The following GABPB1 variants were observed in gnomAD, a reference collection of about 807,000 sequenced individuals.
The protein encoded by GABPB1 is GA binding protein transcription factor subunit beta 1.
GABPB1 carries 15 observed loss-of-function variants against 45.9 expected under a neutral mutation model. The ratio of observed to expected loss-of-function variants is 0.33; its 90% confidence interval spans 0.22 to 0.50. The LOEUF (loss-of-function observed/expected upper bound fraction) is 0.50, where lower values mean the gene tolerates loss of function less well. Among genes scored for constraint, GABPB1 ranks in the 20% least tolerant of loss-of-function variants. The pLI is 0.98. For missense variants in GABPB1, 252 were observed against 457.5 expected (o/e 0.55, Z 4.10); for synonymous variants, 143 against 154.4 (o/e 0.93, Z 0.55).
chr15:50,330,387 C>T (rs1040799453), intron 1 of GABPB1, among the ~76,000 whole-genome samples: 7 of 152,172 alleles, frequency 4.6e-5, no homozygotes, highest in South Asian at 2.1e-4. Flanking sequence ...TAAAAAAAAA[C>T]TAGTTATCTC....
chr15:50,349,954 T>C (rs974307648), intron 1 of GABPB1: 3 of 152,196 alleles, frequency 2.0e-5, no homozygotes. Context: ...CCAGACATAA[T>C]ATATTTTTGG....
At chr15:50,353,938 C>A (rs2048966942) in intron 1 of GABPB1, 2 of 156,470 alleles carry the variant, frequency 1.3e-5, no homozygotes, top group South Asian at 3.1e-4. Context: ...CATTATCAAG[C>A]CCCCTTCAGA....
rs534212084 is a variant in GABPB1 at position 50,294,901 on chromosome 15, T to A, written c.698-5233A>T. ...TTTATTAGTAATTACCAGAAGTTGCTCTAAAGACAAAAAAGAAGGGTGGTC... is the reference window on the plus strand; with the variant it reads ...TTTATTAGTAATTACCAGAAGTTGCACTAAAGACAAAAAAGAAGGGTGGTC... On this transcript the variant is annotated intron_variant, in intron 6 of 8. Transcript: ENST00000380877. 2.0e-5 allele frequency among the ~76,000 whole-genome samples: 3 copies of A among 152,266 alleles called. No individual in the cohort carries two copies. In the East Asian group the frequency reaches 5.8e-4, roughly 29 times the overall value.
At chr15:50,294,186 G>T (rs1180434003) in intron 6 of GABPB1, among the ~76,000 whole-genome samples, 1 of 152,116 alleles carries the variant, frequency 6.6e-6, no homozygotes, top group Non-Finnish European at 1.5e-5. Flanking sequence ...TGTCCTAAAA[G>T]ATTGAAAATT....
rs140774374 is a variant in GABPB1, at chr15:50,308,952, T to C, written c.108+739A>G. On this transcript the variant is annotated intron_variant, in intron 2 of 8. Transcript: ENST00000380877. ...AATATTCATCATGATTTGATAATTT[T>C]TGAAGTTGGGTAAAGGGTATTACAG... is the stretch of plus-strand genomic sequence containing the variant. Among the ~76,000 whole-genome samples, 636 of 152,288 alleles carry C rather than the reference T, an allele frequency of 4.2e-3. 4 individuals carry two copies. The highest frequency in any genetic ancestry group is 0.014 in the African/African-American group (600 of 41,560).
intron 1 of GABPB1, among the ~76,000 whole-genome samples, chr15:50,328,283 TG>T (rs1057402487): frequency 1.6e-4 from 25 of 152,242 alleles, no homozygotes; most frequent in African/African-American, 5.8e-4. Context: ...ATGTTGTATT[TG>T]GTTACTCTAT....
chr15:50,318,118 T>C (rs1055464538), intron 1 of GABPB1, among the ~76,000 whole-genome samples: 4 of 152,202 alleles, frequency 2.6e-5, no homozygotes, highest in African/African-American at 9.7e-5. Flanking sequence ...TGTCTCATTT[T>C]ATCTAAAGGG....
At chr15:50,283,945 G>A (rs188402743) in intron 8 of GABPB1, among the ~76,000 whole-genome samples, 3 of 152,162 alleles carry the variant, frequency 2.0e-5, no homozygotes, top group African/African-American at 7.2e-5. Context: ...CAGCATCACT[G>A]ATATTTTTGG....
chr15:50,302,264 A>G (rs184812103), intron 4 of GABPB1, among the ~76,000 whole-genome samples: 92 of 152,334 alleles, frequency 6.0e-4, no homozygotes, highest in African/African-American at 2.0e-3. Context: ...GGTTGCTAAT[A>G]TATATGTTTT....
chr15:50,335,450 A>G (rs561080311), intron 1 of GABPB1, among the ~76,000 whole-genome samples: 43 of 152,372 alleles, frequency 2.8e-4, no homozygotes, highest in African/African-American at 1.0e-3. Flanking sequence ...ATTGAAAGCA[A>G]AAGTGGCTTC....
chr15:50,341,923 C>G (rs2048388337), intron 1 of GABPB1, among the ~76,000 whole-genome samples: 1 of 152,186 alleles, frequency 6.6e-6, no homozygotes, highest in African/African-American at 2.4e-5. Flanking sequence ...AGTGGTAACT[C>G]CAACGCGTCT....
intron 5 of GABPB1, 93 bp from the exon 6 acceptor site, chr15:50,300,995 A>C: frequency 7.0e-6 from 6 of 859,822 alleles, no homozygotes; most frequent in Non-Finnish European, 1.1e-5. Context: ...CTCTTAAACA[A>C]AGCTTGGATA....
intron 6 of GABPB1, among the ~76,000 whole-genome samples, chr15:50,291,627 G>C (rs1330342622): frequency 6.7e-6 from 1 of 150,296 alleles, no homozygotes; most frequent in Non-Finnish European, 1.5e-5. Context: ...CGCCCAGCCT[G>C]AATTTTAAAA....
chr15:50,280,438 C>A, intron 8 of GABPB1, among the ~76,000 whole-genome samples: 1 of 152,164 alleles, frequency 6.6e-6, no homozygotes, highest in East Asian at 1.9e-4. Context: ...GGAGTGTCCA[C>A]AGCCATGCAC....
chr15:50,315,433 C>A (rs187305551), intron 1 of GABPB1, among the ~76,000 whole-genome samples: 13 of 152,184 alleles, frequency 8.5e-5, no homozygotes, highest in African/African-American at 3.1e-4. Context: ...CACCCAGCAA[C>A]TATGATTTTC....
intron 2 of GABPB1, among the ~76,000 whole-genome samples, chr15:50,305,572 C>T (rs905186010): frequency 1.2e-4 from 19 of 152,264 alleles, no homozygotes; most frequent in South Asian, 6.2e-4. Context: ...GATCCTTAAA[C>T]AATCCTTTCT....
At chr15:50,354,490 G>C (rs1311992252) in intron 1 of GABPB1, 1 of 448,832 alleles carries the variant, frequency 2.2e-6, no homozygotes, top group African/African-American at 2.1e-5. Context: ...TCTCCGGAGA[G>C]CCCGGCGGGG....
At chr15:50,304,634 C>A (rs773666700) in intron 2 of GABPB1, among the ~76,000 whole-genome samples, 2 of 151,704 alleles carry the variant, frequency 1.3e-5, no homozygotes, top group Non-Finnish European at 2.9e-5. Flanking sequence ...TCGCTTGAAC[C>A]CAGGAGGCAG....
In GABPB1 at chr15:50,280,847, C is replaced by G. The variant is rs2045949892; in HGVS notation, c.1000-2063G>C. On this transcript the variant is annotated intron_variant, in intron 8 of 8. Transcript: ENST00000380877. ...GTTTTGAATATGGGTATAAATTTAC[C>G]TTGATTTAGCAGGAAATATTGGAAG... is the stretch of plus-strand genomic sequence containing the variant. 2.6e-5 allele frequency among the ~76,000 whole-genome samples: 4 copies of G among 152,016 alleles called. No homozygotes were observed. In the South Asian group the frequency reaches 8.3e-4, roughly 32 times the overall value.
Sources: gnomAD v4.1 joint callset for allele counts (sites outside exome capture counted in the v4.1 genomes callset) on GRCh38, gnomAD v4.1.1 for gene constraint, MANE v1.5 for transcripts, NCBI Gene and HGNC (gene_info 2026-07-23, HGNC 2026-07-21) for gene names.